ASIC2: variants seen among roughly 807,000 people sequenced by gnomAD.
The protein encoded by ASIC2 is acid sensing ion channel subunit 2.
Under a neutral mutation model 57.3 loss-of-function variants are expected in ASIC2, and 25 were observed. The observed-to-expected ratio is 0.44, with a 90% CI of 0.32 to 0.61. The LOEUF (loss-of-function observed/expected upper bound fraction) is 0.61, where lower values mean the gene tolerates loss of function less well. ASIC2 is among the 20% of genes least tolerant of loss of function. The pLI is 0.06. For synonymous variants in ASIC2, 319 were observed against 307.5 expected (o/e 1.04, Z -0.39); for missense variants, 641 against 738.1 (o/e 0.87, Z 1.52).
intron 3 of ASIC2, among the ~76,000 whole-genome samples, chr17:33,048,613 T>C (rs574228758): frequency 5.1e-4 from 77 of 152,352 alleles, no homozygotes; most frequent in Non-Finnish European, 1.1e-3. Flanking sequence ...CCACGTCATC[T>C]GCTACAGATT....
At chr17:33,081,511 G>A (rs2092112972) in intron 3 of ASIC2, among the ~76,000 whole-genome samples, 1 of 151,592 alleles carries the variant, frequency 6.6e-6, no homozygotes, top group African/African-American at 2.4e-5. Flanking sequence ...CTCCATCTTT[G>A]GCCATTTGGA....
chr17:33,742,242 A>T (rs1045950522), intron 1 of ASIC2, among the ~76,000 whole-genome samples: 10 of 152,236 alleles, frequency 6.6e-5, no homozygotes, highest in African/African-American at 2.2e-4. Context: ...CCAGTGCTCC[A>T]GCCACAAGGG....
intron 1 of ASIC2, among the ~76,000 whole-genome samples, chr17:33,770,150 C>T (rs1597869032): frequency 6.6e-6 from 1 of 152,228 alleles, no homozygotes; most frequent in South Asian, 2.1e-4. Flanking sequence ...TCATCTCACC[C>T]AGCTCTGTGG....
At chr17:33,910,206 C>T (rs552126202) in intron 1 of ASIC2, among the ~76,000 whole-genome samples, 14 of 152,290 alleles carry the variant, frequency 9.2e-5, no homozygotes, top group African/African-American at 3.4e-4. Context: ...GTCCTCAGAG[C>T]ATCCATATTC....
At chr17:33,844,795 A>G (rs970859861) in intron 1 of ASIC2, among the ~76,000 whole-genome samples, 3 of 152,352 alleles carry the variant, frequency 2.0e-5, no homozygotes, top group South Asian at 4.1e-4. Context: ...TATATTAGCT[A>G]CCAATATTTA....
chr17:34,141,232 G>A (rs1912264650), intron 1 of ASIC2, among the ~76,000 whole-genome samples: 1 of 152,062 alleles, frequency 6.6e-6, no homozygotes, highest in African/African-American at 2.4e-5. Flanking sequence ...CAGAGTAAGG[G>A]GAACCTTGAC....
At chr17:34,085,487 G>T (rs1172268225) in intron 1 of ASIC2, among the ~76,000 whole-genome samples, 1 of 152,208 alleles carries the variant, frequency 6.6e-6, no homozygotes, top group Non-Finnish European at 1.5e-5. Flanking sequence ...AAGGATATTG[G>T]TCTAAAATTC....
intron 1 of ASIC2, among the ~76,000 whole-genome samples, chr17:34,058,881 T>A (rs1908866623): frequency 6.6e-6 from 1 of 152,194 alleles, no homozygotes; most frequent in South Asian, 2.1e-4. Flanking sequence ...AGGTAGGTAT[T>A]ATGACCTATA....
At chr17:33,132,712 T>C (rs528377691) in intron 1 of ASIC2, among the ~76,000 whole-genome samples, 1 of 152,244 alleles carries the variant, frequency 6.6e-6, no homozygotes, top group Admixed American at 6.5e-5. Flanking sequence ...TCCTGGGTCC[T>C]GGCTTTATGC....
chr17:33,560,011 A>G (rs1237009831), intron 1 of ASIC2, among the ~76,000 whole-genome samples: 2 of 152,236 alleles, frequency 1.3e-5, no homozygotes, highest in African/African-American at 2.4e-5. Context: ...AGAAAATGTG[A>G]CAATTGAAGC....
chr17:34,028,231 A>G (rs1907451879), intron 1 of ASIC2, among the ~76,000 whole-genome samples: 1 of 152,160 alleles, frequency 6.6e-6, no homozygotes, highest in Admixed American at 6.5e-5. Flanking sequence ...TAGGTATGGA[A>G]ATGCATAACC....
At chr17:33,278,664 T>C (rs6505333) in intron 1 of ASIC2, among the ~76,000 whole-genome samples, 54,510 of 151,666 alleles carry the variant, frequency 0.36, 9,805 homozygotes, top group Admixed American at 0.42. Context: ...CATTTCCCTC[T>C]GTATCCCATA....
At chr17:33,096,280 G>A (rs1286930488) in intron 2 of ASIC2, among the ~76,000 whole-genome samples, 1 of 152,230 alleles carries the variant, frequency 6.6e-6, no homozygotes, top group African/African-American at 2.4e-5. Context: ...CCTCACAGCA[G>A]TCCACATTTT....
At chr17:34,062,346 T>C (rs1207590329) in intron 1 of ASIC2, among the ~76,000 whole-genome samples, 1 of 152,126 alleles carries the variant, frequency 6.6e-6, no homozygotes, top group East Asian at 1.9e-4. Context: ...TGACACAGCC[T>C]ATCAAAACCT....
chr17:33,403,303 C>T (rs935895504), intron 1 of ASIC2, among the ~76,000 whole-genome samples: 1 of 112,096 alleles, frequency 8.9e-6, no homozygotes, highest in Admixed American at 8.5e-5. Flanking sequence ...GAGGTGGGCA[C>T]ACAGCTTCTA....
At chr17:34,123,994 A>C (rs1192056823) in intron 1 of ASIC2, among the ~76,000 whole-genome samples, 1 of 152,200 alleles carries the variant, frequency 6.6e-6, no homozygotes. Flanking sequence ...ACACAGGAGA[A>C]TCACTTAAGC....
intron 1 of ASIC2, among the ~76,000 whole-genome samples, chr17:33,589,010 T>C (rs1904739572): frequency 6.6e-6 from 1 of 152,256 alleles, no homozygotes; most frequent in Non-Finnish European, 1.5e-5. Flanking sequence ...CAATCACCAC[T>C]GGGATCACAG....
At chr17:33,490,738 GTA>G (rs974206262) in intron 1 of ASIC2, among the ~76,000 whole-genome samples, 2 of 152,136 alleles carry the variant, frequency 1.3e-5, no homozygotes, top group Non-Finnish European at 2.9e-5. Flanking sequence ...CCAGTCTTGG[GTA>G]TGTCTTTATT....
At chr17:33,661,118 G>A (rs924541031) in intron 1 of ASIC2, among the ~76,000 whole-genome samples, 2 of 152,148 alleles carry the variant, frequency 1.3e-5, no homozygotes, top group East Asian at 1.9e-4. Context: ...CTCTGCCCCC[G>A]CTGCTGTCTT....
Sources: allele counts gnomAD v4.1 joint callset (sites outside exome capture counted in the v4.1 genomes callset), GRCh38; gene constraint gnomAD v4.1.1; transcripts MANE v1.5; gene names NCBI Gene and HGNC (gene_info 2026-07-23, HGNC 2026-07-21).